Variants in BRD4 observed in about 807,000 individuals in gnomAD.
BRD4 encodes bromodomain containing 4, also known as bromodomain-containing protein 4.
In BRD4, 16 loss-of-function variants were observed where a neutral mutation model predicts 142.1. The ratio of observed to expected loss-of-function variants is 0.11; its 90% CI spans 0.08 to 0.17. The LOEUF is 0.17. Among genes scored for constraint, BRD4 ranks in the 10% least tolerant of loss-of-function variants. BRD4 has a pLI of 1.00. For synonymous variants in BRD4, 833 were observed against 707.5 expected (o/e 1.18, Z -2.82); for missense variants, 1,424 against 1,810.9 (o/e 0.79, Z 3.88).
At chr19:15,292,517 G>T (rs1039099459) in intron 1 of BRD4, among the ~76,000 whole-genome samples, 1 of 152,138 alleles carries the variant, frequency 6.6e-6, no homozygotes, top group Non-Finnish European at 1.5e-5. Context: ...AGTGGCTCAC[G>T]CCTGTAATCC....
intron 1 of BRD4, among the ~76,000 whole-genome samples, chr19:15,320,736 G>T (rs1285608894): frequency 2.0e-5 from 3 of 152,128 alleles, no homozygotes. Flanking sequence ...GCCTGACACA[G>T]GTAAGATACA....
chr19:15,298,594 C>G (rs960048000), intron 1 of BRD4, among the ~76,000 whole-genome samples: 1 of 113,786 alleles, frequency 8.8e-6, no homozygotes, highest in African/African-American at 3.5e-5. Flanking sequence ...GCACTCCAGC[C>G]TGGGCAACAG....
intron 6 of BRD4, chr19:15,264,190 G>C: frequency 1.7e-6 from 1 of 586,960 alleles, no homozygotes; most frequent in East Asian, 3.1e-5. Flanking sequence ...GGCAGCACAG[G>C]CATCTGTAGC....
chr19:15,253,913 A>C (rs1599448134), intron 11 of BRD4: 1 of 828,844 alleles, frequency 1.2e-6, no homozygotes, highest in East Asian at 2.7e-5. Context: ...ATCCTCCATG[A>C]CCAGACCCTG....
At chr19:15,308,915 T>C (rs1263301245) in intron 1 of BRD4, among the ~76,000 whole-genome samples, 1 of 151,804 alleles carries the variant, frequency 6.6e-6, no homozygotes, top group Non-Finnish European at 1.5e-5. Flanking sequence ...CTTGGGAGCC[T>C]GAGGCAGGAG....
intron 1 of BRD4, among the ~76,000 whole-genome samples, chr19:15,303,523 C>A (rs1427199423): frequency 2.0e-5 from 3 of 152,166 alleles, no homozygotes; most frequent in African/African-American, 7.2e-5. Flanking sequence ...CAGGACAATT[C>A]AGCCTATCTA....
chr19:15,238,869 T>C lies in BRD4; in HGVS notation c.3894A>G (p.Gln1298=), dbSNP rs202242420. Residue 1298 remains glutamine, a synonymous_variant, in exon 19 of 20, where the codon CAA becomes CAG. Coordinates refer to ENST00000679869, the MANE Select transcript of BRD4 (RefSeq NM_001379291.1). The surrounding 1 kb of genome is among the most constrained non-coding windows in gnomAD (Gnocchi z 7.2). The part of the protein sequence containing the change: ...QQRQEQQQQQ[Q]QQAAAVAAAA... Reference sequence around the variant, plus strand: ...CGGCAGCCACCGCAGCTGCTTGCTGTTGCTGCTGCTGCTGTTGCTCCTGGC... The same window carrying C: ...CGGCAGCCACCGCAGCTGCTTGCTGCTGCTGCTGCTGCTGTTGCTCCTGGC... 4 of 1,600,446 alleles carry C rather than the reference T, an allele frequency of 2.5e-6. No homozygotes were observed. Among genetic ancestry groups the C allele is most frequent in the East Asian group, 2.3e-5 (1 of 44,314 alleles).
rs915676784 is a variant in BRD4, at chr19:15,238,621, T to A, written c.4020+122A>T. ...CTACAGCTGAGTCCAGAGGACCACATGCCGACCAGCAGGGACGGGGCTCCC... is the reference window on the plus strand; with the variant it reads ...CTACAGCTGAGTCCAGAGGACCACAAGCCGACCAGCAGGGACGGGGCTCCC... On this transcript the variant is annotated intron_variant, in intron 19 of 19. Transcript: ENST00000679869. This position sits in a 1 kb window ranked among gnomAD's most constrained non-coding sequence, Gnocchi z 7.2. 1.4e-6 allele frequency: 2 copies of A among 1,462,252 alleles called. No homozygotes were observed. The highest frequency in any genetic ancestry group is 2.9e-5 in the African/African-American group (2 of 70,030). 90.6% of individuals were successfully genotyped at this position (1,462,252 alleles called of 1,614,324 possible).
chr19:15,310,422 G>A (rs1392419648), intron 1 of BRD4, among the ~76,000 whole-genome samples: 15 of 134,990 alleles, frequency 1.1e-4, no homozygotes, highest in African/African-American at 1.9e-4. Flanking sequence ...GTGCAGTGGC[G>A]CGATCTAGGC....
chr19:15,275,693 G>A (rs550434347), intron 1 of BRD4: 9 of 152,300 alleles, frequency 5.9e-5, no homozygotes, highest in African/African-American at 2.2e-4. Context: ...TCTTTAAGGA[G>A]GCTCTGAAGA....
intron 7 of BRD4, among the ~76,000 whole-genome samples, chr19:15,257,498 T>C (rs181269719): frequency 6.6e-6 from 1 of 152,284 alleles, no homozygotes; most frequent in Non-Finnish European, 1.5e-5. Flanking sequence ...AAGTCTGAGA[T>C]GGTACTGGAC....
chr19:15,292,900 T>C (rs1464439587), intron 1 of BRD4, among the ~76,000 whole-genome samples: 2 of 150,674 alleles, frequency 1.3e-5, no homozygotes, highest in Non-Finnish European at 2.9e-5. Context: ...TGTGAAAGGA[T>C]TGCAGCAACA....
intron 1 of BRD4, among the ~76,000 whole-genome samples, chr19:15,321,838 A>C (rs776386200): frequency 6.6e-6 from 1 of 152,122 alleles, no homozygotes; most frequent in Non-Finnish European, 1.5e-5. Flanking sequence ...AAACTACTAG[A>C]CCTTCACCAC....
At chr19:15,308,987 C>T (rs576035372) in intron 1 of BRD4, among the ~76,000 whole-genome samples, 3 of 151,608 alleles carry the variant, frequency 2.0e-5, no homozygotes, top group Admixed American at 6.6e-5. Context: ...TGCACTCCAG[C>T]CTGGGAGACA....
chr19:15,274,786 T>C (rs901945484), intron 1 of BRD4, among the ~76,000 whole-genome samples: 2 of 152,106 alleles, frequency 1.3e-5, no homozygotes, highest in African/African-American at 4.8e-5. Flanking sequence ...CAAAAACTCA[T>C]GTGTGCTCTA....
At chr19:15,258,593 TTTTC>T (rs1425346813) in intron 7 of BRD4, among the ~76,000 whole-genome samples, 43 of 151,896 alleles carry the variant, frequency 2.8e-4, no homozygotes, top group African/African-American at 9.7e-4. Flanking sequence ...CCAATAACTT[TTTTC>T]TTTCTTTCTT....
intron 1 of BRD4, among the ~76,000 whole-genome samples, chr19:15,316,741 A>G (rs1568410458): frequency 6.6e-6 from 1 of 152,256 alleles, no homozygotes; most frequent in African/African-American, 2.4e-5. Context: ...CACTGTTTTT[A>G]CTGACCAGAT....
intron 1 of BRD4, among the ~76,000 whole-genome samples, chr19:15,310,338 T>G (rs1313179037): frequency 9.3e-6 from 1 of 107,152 alleles, no homozygotes; most frequent in Non-Finnish European, 1.8e-5. Flanking sequence ...CATGGCACCA[T>G]GTCCGGCTGA....
chr19:15,264,346 C>T, intron 6 of BRD4, 58 bp downstream of exon 6: 1 of 1,539,740 alleles, frequency 6.5e-7, no homozygotes, highest in Non-Finnish European at 8.8e-7. Context: ...TAGGAAGGTT[C>T]TGATGTGGAG....
Sources: gnomAD v4.1 joint callset for allele counts (sites outside exome capture counted in the v4.1 genomes callset) on GRCh38, gnomAD v4.1.1 for gene constraint, Gnocchi (gnomAD v3.1) non-coding constraint, MANE v1.5 for transcripts, NCBI Gene and HGNC (gene_info 2026-07-23, HGNC 2026-07-21) for gene names.